The following SLC37A3 variants were observed in gnomAD, a reference collection of about 807,000 sequenced individuals.
SLC37A3 encodes the protein solute carrier family 37 member 3.
SLC37A3 carries 51 observed loss-of-function variants against 67.1 expected under a neutral mutation model. The observed-to-expected ratio is 0.76, with a 90% CI of 0.61 to 0.96. SLC37A3 has a LOEUF of 0.96. SLC37A3 is among the 40% of genes least tolerant of loss of function. The pLI is 0.00. For missense variants in SLC37A3, 508 were observed against 603.0 expected (o/e 0.84, Z 1.65); for synonymous variants, 214 against 231.4 (o/e 0.92, Z 0.68).
In SLC37A3 at chr7:140,348,772, A is replaced by T. The variant is rs1318218901; in HGVS notation, c.883-5T>A. 6.2e-7 allele frequency: 1 copy of T among 1,613,604 alleles called. No homozygotes were observed. Among genetic ancestry groups the T allele is most frequent in the Non-Finnish European group, 8.5e-7 (1 of 1,179,890 alleles). The stretch of plus-strand genomic sequence containing the variant: ...GCAGGCGTAGGCCAGTGAGTACTAC[A>T]AGAAAAGCATTCAACTATCAGCGAG... On this transcript the variant is annotated splice_region_variant and splice_polypyrimidine_tract_variant and intron_variant, in intron 9 of 14. Coordinates refer to ENST00000326232, the MANE Select transcript of SLC37A3 (RefSeq NM_207113.3).
Position 140,334,991 on chromosome 7 carries a change from C to T in SLC37A3, c.*421G>A. ...CATTACCAAAGCAAAATGCAATGATCTCTTCCATTTGTGGAACATACCACC... is the reference window on the plus strand; with the variant it reads ...CATTACCAAAGCAAAATGCAATGATTTCTTCCATTTGTGGAACATACCACC... On this transcript the variant is annotated 3_prime_UTR_variant, in exon 15 of 15. Transcript: ENST00000326232. 1 of 448,110 alleles carries T rather than the reference C, an allele frequency of 2.2e-6. No individual in the cohort carries two copies. Among genetic ancestry groups the T allele is most frequent in the Non-Finnish European group, 4.1e-6 (1 of 243,276 alleles). The allele number at this position is 448,110 out of a possible 1,614,324, so 27.8% of individuals were successfully genotyped here.
intron 12 of SLC37A3, 101 bp from the exon 13 acceptor site, chr7:140,343,664 G>T: frequency 7.9e-7 from 1 of 1,264,114 alleles, no homozygotes. Context: ...TAATATGTTG[G>T]AGAGAAGTGG....
intron 1 of SLC37A3, among the ~76,000 whole-genome samples, chr7:140,393,531 C>G (rs938295321): frequency 6.6e-6 from 1 of 152,182 alleles, no homozygotes; most frequent in African/African-American, 2.4e-5. Context: ...CTGAACCCAT[C>G]AAGCCTCCTC....
intron 10 of SLC37A3, among the ~76,000 whole-genome samples, chr7:140,346,328 C>A (rs1033211258): frequency 3.3e-5 from 5 of 151,748 alleles, no homozygotes; most frequent in Admixed American, 1.3e-4. Flanking sequence ...TGCAGTGAGC[C>A]GAGATTGCGC....
chr7:140,381,440 AT>A (rs200575917), intron 2 of SLC37A3, among the ~76,000 whole-genome samples: 1,556 of 151,590 alleles, frequency 0.01, 20 homozygotes, highest in African/African-American at 0.035. Flanking sequence ...CGGGTAGATC[AT>A]TTGATCCCGG....
intron 4 of SLC37A3, among the ~76,000 whole-genome samples, chr7:140,365,237 T>C (rs1240123711): frequency 6.6e-6 from 1 of 152,122 alleles, no homozygotes; most frequent in Non-Finnish European, 1.5e-5. Flanking sequence ...TCCATAAATA[T>C]ATAAAATATC....
intron 1 of SLC37A3, among the ~76,000 whole-genome samples, chr7:140,393,420 A>C (rs1798798331): frequency 1.3e-5 from 2 of 152,134 alleles, no homozygotes; most frequent in South Asian, 4.1e-4. Context: ...ATCCTTTGCC[A>C]GGCCGCCTGG....
intron 1 of SLC37A3, among the ~76,000 whole-genome samples, chr7:140,393,139 C>G (rs893231079): frequency 2.0e-5 from 3 of 152,128 alleles, no homozygotes; most frequent in African/African-American, 7.2e-5. Context: ...CCTCAGTCCA[C>G]CCTGATCTCC....
chr7:140,389,042 C>T (rs1458838222), intron 1 of SLC37A3, among the ~76,000 whole-genome samples: 1 of 152,108 alleles, frequency 6.6e-6, no homozygotes, highest in Non-Finnish European at 1.5e-5. Flanking sequence ...TTGCTTTTAA[C>T]CCTTAAGGAA....
At chr7:140,342,309 A>C (rs7798479) in intron 13 of SLC37A3, among the ~76,000 whole-genome samples, 4,550 of 152,196 alleles carry the variant, frequency 0.03, 223 homozygotes, top group African/African-American at 0.1. Context: ...GTTATTAATG[A>C]CCTCCTAGAT....
At chr7:140,378,033 T>G (rs1798102360) in intron 3 of SLC37A3, among the ~76,000 whole-genome samples, 1 of 152,170 alleles carries the variant, frequency 6.6e-6, no homozygotes, top group Non-Finnish European at 1.5e-5. Flanking sequence ...TGAGTCCTCC[T>G]AGTTAATCAC....
At chr7:140,345,661 A>G (rs35602020) in intron 11 of SLC37A3, among the ~76,000 whole-genome samples, 14,191 of 152,186 alleles carry the variant, frequency 0.093, 933 homozygotes, top group East Asian at 0.3. Context: ...TTAACAAAGC[A>G]AAAGAGATGC....
intron 12 of SLC37A3, 86 bp downstream of exon 12, chr7:140,345,130 C>T: frequency 1.6e-6 from 2 of 1,257,834 alleles, no homozygotes; most frequent in South Asian, 2.6e-5. Flanking sequence ...TTCGGTACTA[C>T]TCAAATTGAG....
chr7:140,398,499 C>G lies in SLC37A3; in HGVS notation c.-154G>C, dbSNP rs989092580. On this transcript the variant is annotated 5_prime_UTR_variant, in exon 1 of 15. Transcript: ENST00000326232. Reference sequence around the variant, plus strand: ...GCTCCGCTGCCCGCCTCCCCCGCCGCCAGCTCACCCCTGGCGGTGCGACCA... The same window carrying G: ...GCTCCGCTGCCCGCCTCCCCCGCCGGCAGCTCACCCCTGGCGGTGCGACCA... 1.3e-5 allele frequency: 2 copies of G among 152,226 alleles called. No homozygotes were observed. Among genetic ancestry groups the G allele is most frequent in the East Asian group, 1.9e-4 (1 of 5,172 alleles). The allele number at this position is 152,226 out of a possible 1,614,324, so 9.4% of individuals were successfully genotyped here.
chr7:140,377,572 C>A (rs1798082553), intron 3 of SLC37A3, among the ~76,000 whole-genome samples: 1 of 152,086 alleles, frequency 6.6e-6, no homozygotes, highest in Admixed American at 6.6e-5. Flanking sequence ...TCAGTGAACC[C>A]ATTATAAATT....
intron 4 of SLC37A3, among the ~76,000 whole-genome samples, 185 bp downstream of exon 4, chr7:140,369,405 A>G (rs897010594): frequency 4.6e-5 from 7 of 152,250 alleles, no homozygotes; most frequent in Non-Finnish European, 1.0e-4. Context: ...CATATGCTAG[A>G]TGAGCAATAA....
intron 5 of SLC37A3, among the ~76,000 whole-genome samples, chr7:140,363,707 A>C (rs1384163245): frequency 2.2e-5 from 1 of 45,204 alleles, no homozygotes; most frequent in Admixed American, 2.0e-4. Context: ...AAAATAAATA[A>C]AAAAATAAAA....
chr7:140,377,519 TTA>T (rs1331899566), intron 3 of SLC37A3, among the ~76,000 whole-genome samples: 2 of 152,218 alleles, frequency 1.3e-5, no homozygotes, highest in African/African-American at 4.8e-5. Flanking sequence ...GACATAGACT[TTA>T]TGTTATTATG....
intron 3 of SLC37A3, among the ~76,000 whole-genome samples, chr7:140,370,192 T>C (rs2129647086): frequency 6.6e-6 from 1 of 152,056 alleles, no homozygotes; most frequent in African/African-American, 2.4e-5. Flanking sequence ...CACATAGTAA[T>C]TGTACATATT....
Sources: allele counts gnomAD v4.1 joint callset (sites outside exome capture counted in the v4.1 genomes callset), GRCh38; gene constraint gnomAD v4.1.1; transcripts MANE v1.5; gene names NCBI Gene and HGNC (gene_info 2026-07-23, HGNC 2026-07-21).